Variants in NUP160 observed in about 807,000 individuals in gnomAD.
The protein encoded by NUP160 is nuclear pore complex protein Nup160.
In NUP160, 94 loss-of-function variants were observed where a neutral mutation model predicts 196.9. That is an observed-to-expected ratio of 0.48 (90% CI 0.40 to 0.57). NUP160 has a LOEUF of 0.57. NUP160 is among the 20% of genes least tolerant of loss of function. The pLI is 0.00. For synonymous variants in NUP160, 605 were observed against 619.7 expected (o/e 0.98, Z 0.35); for missense variants, 1,638 against 1,748.3 (o/e 0.94, Z 1.13).
chr11:47,792,156 A>G (rs991799783), intron 28 of NUP160, 166 bp from the exon 29 acceptor site: 2 of 559,140 alleles, frequency 3.6e-6, no homozygotes, highest in East Asian at 3.1e-5. Context: ...AGACAAAGAA[A>G]GAAGTTCTTT....
chr11:47,815,525 G>A, exon 13 of NUP160: 1 of 1,611,264 alleles, frequency 6.2e-7, no homozygotes, highest in Non-Finnish European at 8.5e-7. Flanking sequence ...CAAATGTAGG[G>A]CAAGAGGGTG....
intron 19 of NUP160, 85 bp downstream of exon 19, chr11:47,806,985 T>C (rs1333756539): frequency 5.2e-6 from 5 of 960,462 alleles, no homozygotes; most frequent in South Asian, 1.4e-5. Flanking sequence ...AACCTTTCTA[T>C]GGCAAAGGTG....
At chr11:47,811,000 G>A (rs1474793391) in intron 17 of NUP160, among the ~76,000 whole-genome samples, 1 of 152,082 alleles carries the variant, frequency 6.6e-6, no homozygotes, top group East Asian at 1.9e-4. Flanking sequence ...TGAGATTACT[G>A]ACTTAGAAAA....
chr11:47,845,875 G>A (rs1321193411), intron 2 of NUP160, among the ~76,000 whole-genome samples: 2 of 152,148 alleles, frequency 1.3e-5, no homozygotes, highest in Admixed American at 6.5e-5. Flanking sequence ...GCTTACGCCT[G>A]TAATCCTAGC....
exon 12 of NUP160, chr11:47,815,970 T>G (rs750220378): frequency 1.9e-6 from 3 of 1,613,590 alleles, no homozygotes; most frequent in South Asian, 2.2e-5. Flanking sequence ...CTAAAGTAAC[T>G]TCTTTCTTCA....
At chr11:47,815,297 AAATG>A (rs2097683741) in intron 13 of NUP160, 178 bp downstream of exon 13, 1 of 429,082 alleles carries the variant, frequency 2.3e-6, no homozygotes, top group African/African-American at 2.0e-5. Context: ...AAAACTATTT[AAATG>A]AATGAATCAC....
intron 27 of NUP160, chr11:47,796,152 TAAA>T (rs35398008): frequency 9.3e-3 from 1,102 of 118,362 alleles, no homozygotes; most frequent in South Asian, 0.023. Flanking sequence ...AGACTTCATC[TAAA>T]AAAAAAAAAA....
intron 19 of NUP160, among the ~76,000 whole-genome samples, chr11:47,806,840 CACACACACACACAT>C (rs1329907784): frequency 1.9e-4 from 20 of 103,898 alleles, no homozygotes; most frequent in South Asian, 1.2e-3. Context: ...CACACACACA[CACACACACACACAT>C]ATATATACCA....
At chr11:47,801,504 C>T (rs7112248) in intron 23 of NUP160, among the ~76,000 whole-genome samples, 52,570 of 151,846 alleles carry the variant, frequency 0.35, 10,538 homozygotes, top group South Asian at 0.52. Context: ...CACCCGCCAC[C>T]ACGCCAGGCT....
chr11:47,799,243 G>A (rs1301210153), intron 23 of NUP160, among the ~76,000 whole-genome samples: 5 of 151,914 alleles, frequency 3.3e-5, no homozygotes, highest in South Asian at 2.1e-4. Flanking sequence ...GCCCCACCAC[G>A]TTCAGCTAAT....
At chr11:47,808,002 G>C (rs546519430) in intron 18 of NUP160, among the ~76,000 whole-genome samples, 5 of 152,246 alleles carry the variant, frequency 3.3e-5, no homozygotes, top group African/African-American at 9.6e-5. Flanking sequence ...TCTTTTTCCC[G>C]GCTGGCGTGG....
intron 7 of NUP160, chr11:47,826,995 G>C (rs1180646931): frequency 1.1e-5 from 5 of 455,470 alleles, no homozygotes; most frequent in Non-Finnish European, 2.2e-5. Context: ...GGACCAAACT[G>C]AACACCCTTT....
At position 47,787,842 on chromosome 11, in the gene NUP160, C is replaced by T. The variant is rs184383820; in HGVS notation, c.3746+340G>A. 8.4e-4 allele frequency among the ~76,000 whole-genome samples: 128 copies of T among 152,184 alleles called. No homozygotes were observed. The East Asian group carries it at 0.022, about 26-fold the overall frequency. On this transcript the variant is annotated intron_variant, in intron 31 of 35. Coordinates refer to ENST00000378460, the Ensembl canonical transcript of NUP160. ...ACGCCATTCTCCTGCCTCAGCCTCCCGAGTAGCTGGGACTACAGGCGCCCG... is the reference window on the plus strand; with the variant it reads ...ACGCCATTCTCCTGCCTCAGCCTCCTGAGTAGCTGGGACTACAGGCGCCCG...
chr11:47,833,663 G>T (rs2125837), intron 7 of NUP160, among the ~76,000 whole-genome samples: 6 of 152,136 alleles, frequency 3.9e-5, no homozygotes, highest in Non-Finnish European at 8.8e-5. Context: ...TAGTTGTGCA[G>T]AAAGGGTTAA....
At chr11:47,826,255 G>A (rs1013092538) in intron 7 of NUP160, among the ~76,000 whole-genome samples, 4 of 152,128 alleles carry the variant, frequency 2.6e-5, no homozygotes, top group Admixed American at 6.5e-5. Context: ...CTATACATAT[G>A]CACCATCAGG....
chr11:47,825,126 G>A (rs1185446783), intron 7 of NUP160, among the ~76,000 whole-genome samples: 11 of 151,406 alleles, frequency 7.3e-5, no homozygotes, highest in Non-Finnish European at 1.5e-4. Flanking sequence ...TGAGCCAACC[G>A]CGCCCAGCCG....
At chr11:47,796,161 A>C (rs1393096353) in intron 27 of NUP160, 1 of 312,530 alleles carries the variant, frequency 3.2e-6, no homozygotes, top group African/African-American at 2.2e-5. Context: ...CTAAAAAAAA[A>C]AAAAAAAAAA....
intron 7 of NUP160, among the ~76,000 whole-genome samples, chr11:47,833,783 G>T (rs1360449705): frequency 6.7e-6 from 1 of 150,312 alleles, no homozygotes; most frequent in Non-Finnish European, 1.5e-5. Flanking sequence ...CCAATATGGT[G>T]GGCACTGTGC....
At chr11:47,801,922 T>A (rs1264490441) in exon 23 of NUP160, 1 of 1,613,816 alleles carries the variant, frequency 6.2e-7, no homozygotes, top group Admixed American at 1.7e-5. Context: ...GACAAAAACA[T>A]TCCAGAGCCT....
Sources: gnomAD v4.1 joint callset for allele counts (sites outside exome capture counted in the v4.1 genomes callset) on GRCh38, gnomAD v4.1.1 for gene constraint, MANE v1.5 for transcripts, NCBI Gene and HGNC (gene_info 2026-07-23, HGNC 2026-07-21) for gene names.